The following IL9R variants were observed in gnomAD, a reference collection of about 807,000 sequenced individuals.
IL9R encodes the protein interleukin 9 receptor.
In IL9R, 54 loss-of-function variants were observed where a neutral mutation model predicts 56.3. That is an observed-to-expected ratio of 0.96 (90% CI 0.77 to 1.20). IL9R has a LOEUF of 1.20. Among genes scored for constraint, IL9R ranks in the 50% most tolerant of loss-of-function variants. IL9R has a pLI of 0.00. For missense variants in IL9R, 545 were observed against 629.8 expected (o/e 0.87, Z 1.44); for synonymous variants, 212 against 250.2 (o/e 0.85, Z 1.44).
chrX:156,011,607 G>A (rs1372360023), downstream of IL9R, among the ~76,000 whole-genome samples: 1 of 103,998 alleles, frequency 9.6e-6, no homozygotes, highest in Admixed American at 8.4e-5. Flanking sequence ...TAACACATAC[G>A]TTGCATGATC....
intron 4 of IL9R, 33 bp downstream of exon 4, chrX:156,003,888 G>C (rs763158031): frequency 6.2e-7 from 1 of 1,609,630 alleles, no homozygotes; most frequent in Non-Finnish European, 8.5e-7. Context: ...GGGCGGGGCC[G>C]CTTGGCAAGA....
chrX:156,004,930 T>A (rs1170986014), intron 5 of IL9R, among the ~76,000 whole-genome samples: 1 of 152,142 alleles, frequency 6.6e-6, no homozygotes, highest in Admixed American at 6.5e-5. Flanking sequence ...AGTGTGCACA[T>A]GGGCATGCCT....
intron 1 of IL9R, among the ~76,000 whole-genome samples, chrX:155,999,971 C>T (rs2067401515): frequency 6.6e-6 from 1 of 151,722 alleles, no homozygotes; most frequent in Admixed American, 6.6e-5. Context: ...ACTAAAAATA[C>T]AAAAATTAGC....
At chrX:156,008,921 C>T (rs1204960158) in intron 8 of IL9R, among the ~76,000 whole-genome samples, 2 of 113,800 alleles carry the variant, frequency 1.8e-5, no homozygotes, top group Admixed American at 7.9e-5. Context: ...GTGTGTGTGT[C>T]TGTGTGTGTG....
intron 1 of IL9R, among the ~76,000 whole-genome samples, chrX:156,000,146 AT>A (rs1335846887): frequency 7.9e-4 from 64 of 81,042 alleles, no homozygotes; most frequent in South Asian, 6.5e-3. Flanking sequence ...AAAAAAAAAA[AT>A]ATATATATAT....
chrX:156,000,096 A>G (rs1422670885), intron 1 of IL9R, among the ~76,000 whole-genome samples: 1 of 151,308 alleles, frequency 6.6e-6, no homozygotes, highest in Non-Finnish European at 1.5e-5. Context: ...AGATCACGCC[A>G]CTGTGTTCCA....
chrX:156,002,618 G>A lies in IL9R; in HGVS notation c.29-288G>A, dbSNP rs184324025. ...CCAGAGAGGAGTCTTCTCGGCAGAT[G>A]TGGAGACCTAGCTGAGTCAGAGGCC... On this transcript the variant is annotated intron_variant, in intron 1 of 8. Transcript: ENST00000244174. 1.4e-3 allele frequency among the ~76,000 whole-genome samples: 219 copies of A among 152,352 alleles called. 1 individual carries two copies. Among genetic ancestry groups the A allele is most frequent in the African/African-American group, 5.0e-3 (209 of 41,588 alleles).
chrX:156,009,264 GT>G (rs1569479094), intron 8 of IL9R, among the ~76,000 whole-genome samples: 1 of 44,774 alleles, frequency 2.2e-5, no homozygotes, highest in Non-Finnish European at 5.0e-5. Context: ...GTGTGTGTGT[GT>G]TTGTGTGTGT....
At chrX:156,009,207 CTG>C (rs1180400697) in intron 8 of IL9R, among the ~76,000 whole-genome samples, 45 of 121,908 alleles carry the variant, frequency 3.7e-4, no homozygotes, top group African/African-American at 7.9e-4. Flanking sequence ...GTGTATGTGT[CTG>C]TGTGTGTTTA....
intron 7 of IL9R, 39 bp downstream of exon 7, chrX:156,006,227 C>T (rs780901244): frequency 9.2e-5 from 72 of 778,978 alleles, no homozygotes; most frequent in Middle Eastern, 7.4e-4. Context: ...CATGTGTGAG[C>T]GGGCAAGAGT....
chrX:156,001,465 C>T, intron 1 of IL9R: 3 of 1,610,080 alleles, frequency 1.9e-6, no homozygotes, highest in African/African-American at 2.7e-5. Flanking sequence ...GTGTTTCATG[C>T]TGTGGCTGGT....
At chrX:156,001,484 G>C in intron 1 of IL9R, 4 of 1,609,690 alleles carry the variant, frequency 2.5e-6, no homozygotes, top group Non-Finnish European at 3.4e-6. Flanking sequence ...GTGGTTCCAG[G>C]CTGCACGCTC....
chrX:156,001,241 G>C, intron 1 of IL9R: 1 of 688,980 alleles, frequency 1.5e-6, no homozygotes, highest in African/African-American at 1.8e-5. Context: ...ACATAGATGT[G>C]GGTGTTTCTC....
chrX:155,997,771 C>T lies in IL9R; in HGVS notation c.12C>T (p.Gly4=). 6.2e-7 allele frequency: 1 copy of T among 1,613,564 alleles called. No homozygotes were observed. The highest frequency in any genetic ancestry group is 8.5e-7 in the Non-Finnish European group (1 of 1,179,600). MGL[G]RCIWEGWTLE... is the part of the protein sequence containing the mutation. ...GCCTCAGACTTGTGATGGGACTGGG[C>T]AGATGCATCTGGGAAGGTGAGTCTG... Residue 4 remains glycine (G), a synonymous_variant, in exon 1 of 9, where the codon GGC becomes GGT. Transcript: ENST00000244174.
chrX:156,002,814 C>T lies in IL9R; in HGVS notation c.29-92C>T, dbSNP rs2067621990. The T allele has an allele frequency of 5.1e-6, 8 of 1,581,878 alleles. No homozygotes were observed. The East Asian group carries it at 1.6e-4, about 31-fold the overall frequency. On this transcript the variant is annotated intron_variant, in intron 1 of 8. Coordinates refer to ENST00000244174, the MANE Select transcript of IL9R (RefSeq NM_002186.3). ...GACACTGTGTGAGTGCAGGTGGGGA[C>T]CCATGGAGCACTCTGCTGGGGAGCA...
rs1227170186 is a variant in IL9R, at chrX:156,006,127, G to T, written c.826G>T (p.Ala276Ser). ...GGGGTGGCCAGGCAACACCCTTGTT[G>T]CTGTGTCCATCTTTCTCCTGCTGAC... ...PWGWPGNTLVAVSIFLLLTGP... is the reference protein window; with the variant it reads ...PWGWPGNTLVSVSIFLLLTGP... Residue 276 changes from alanine (A) to serine (S), a missense_variant, in exon 7 of 9, where the codon GCT becomes TCT. By Grantham distance (99) the Ala-to-Ser change is moderately conservative. Transcript: ENST00000244174. 1.1e-5 allele frequency: 17 copies of T among 1,599,468 alleles called. No homozygotes were observed. The highest frequency in any genetic ancestry group is 1.4e-5 in the Non-Finnish European group (16 of 1,168,924).
chrX:156,003,479 C>G lies in IL9R; in HGVS notation c.173C>G (p.Thr58Ser). The G allele has an allele frequency of 1.9e-6, 3 of 1,612,054 alleles. No homozygotes were observed. The highest frequency in any genetic ancestry group is 2.5e-6 in the Non-Finnish European group (3 of 1,179,762). ...GPRSRTFTCL[T>S]NNILRIDCHW... The stretch of plus-strand genomic sequence containing the variant: ...AGGTCTAGAACCTTCACCTGCCTCA[C>G]CAACAACATTCTCAGGATCGATTGC... Residue 58 changes from threonine (T) to serine (S), a missense_variant, in exon 3 of 9, where the codon ACC (threonine) becomes AGC (serine). Coordinates refer to ENST00000244174, the MANE Select transcript of IL9R (RefSeq NM_002186.3).
At chrX:156,009,080 TG>T (rs1569478730) in intron 8 of IL9R, among the ~76,000 whole-genome samples, 72 of 151,024 alleles carry the variant, frequency 4.8e-4, no homozygotes, top group African/African-American at 1.5e-3. Context: ...TGTCTGTGTG[TG>T]TTTGTGTGTG....
At chrX:156,002,882 G>A (rs184624427) in intron 1 of IL9R, 24 bp from the exon 2 acceptor site, 600 of 1,613,494 alleles carry the variant, frequency 3.7e-4, no homozygotes, top group Admixed American at 8.0e-4. Flanking sequence ...ATTTGCACAG[G>A]GCCCTCAGCC....
Sources: gnomAD v4.1 joint callset for allele counts (sites outside exome capture counted in the v4.1 genomes callset) on GRCh38, gnomAD v4.1.1 for gene constraint, MANE v1.5 for transcripts, NCBI Gene and HGNC (gene_info 2026-07-23, HGNC 2026-07-21) for gene names.